ABLIM3: variants seen among roughly 807,000 people sequenced by gnomAD.
ABLIM3 encodes actin binding LIM protein family member 3.
ABLIM3 carries 61 observed loss-of-function variants against 109.5 expected under a neutral mutation model. The ratio of observed to expected loss-of-function variants is 0.56; its 90% CI spans 0.45 to 0.69. ABLIM3 has a LOEUF of 0.69. Among genes scored for constraint, ABLIM3 ranks in the 30% least tolerant of loss-of-function variants. The probability of loss-of-function intolerance (pLI) is 0.00; values close to 1 mark genes in which losing one functional copy is unlikely to be tolerated. For missense variants in ABLIM3, 796 were observed against 889.5 expected (o/e 0.89, Z 1.34); for synonymous variants, 300 against 324.8 (o/e 0.92, Z 0.82).
chr5:149,185,016 C>A (rs1368902386), intron 3 of ABLIM3, among the ~76,000 whole-genome samples: 1 of 152,110 alleles, frequency 6.6e-6, no homozygotes, highest in Admixed American at 6.5e-5. Context: ...TATTTTTACA[C>A]CCTCTGAAAT....
At chr5:149,256,558 T>C (rs1320498940) in intron 23 of ABLIM3, among the ~76,000 whole-genome samples, 2 of 152,230 alleles carry the variant, frequency 1.3e-5, no homozygotes, top group African/African-American at 4.8e-5. Context: ...ACAGGAACTT[T>C]GTAATGGACA....
intron 8 of ABLIM3, among the ~76,000 whole-genome samples, chr5:149,225,799 T>C (rs934383492): frequency 1.3e-4 from 20 of 151,902 alleles, no homozygotes; most frequent in African/African-American, 4.6e-4. Flanking sequence ...AATGAGAACA[T>C]ACAATGTTTG....
At chr5:149,230,828 G>A (rs1384998079) in intron 9 of ABLIM3, 121 bp downstream of exon 9, 32 of 1,149,576 alleles carry the variant, frequency 2.8e-5, no homozygotes, top group Admixed American at 3.9e-5. Context: ...CCAAATGTGT[G>A]CCTATGTCCT....
At chr5:149,197,087 T>A (rs1758051313) in intron 3 of ABLIM3, among the ~76,000 whole-genome samples, 1 of 152,196 alleles carries the variant, frequency 6.6e-6, no homozygotes, top group Admixed American at 6.5e-5. Flanking sequence ...CATTTTTGTA[T>A]ATGTTTGAGA....
chr5:149,221,651 C>T (rs1290090037), intron 8 of ABLIM3, among the ~76,000 whole-genome samples: 3 of 152,280 alleles, frequency 2.0e-5, no homozygotes, highest in Admixed American at 6.5e-5. Context: ...GTTTGTTATC[C>T]AAACCCTTCA....
At chr5:149,206,816 C>G (rs1331880792) in intron 5 of ABLIM3, among the ~76,000 whole-genome samples, 192 bp from the exon 6 acceptor site, 1 of 151,986 alleles carries the variant, frequency 6.6e-6, no homozygotes, top group Non-Finnish European at 1.5e-5. Flanking sequence ...CACCAAGACC[C>G]CTTGTCAAGA....
chr5:149,190,820 T>TC (rs150746944), intron 3 of ABLIM3, among the ~76,000 whole-genome samples: 9,423 of 152,212 alleles, frequency 0.062, 701 homozygotes, highest in African/African-American at 0.18. Context: ...AGAAAAATGA[T>TC]CCCAGATGGC....
At position 149,237,605 on chromosome 5, in the gene ABLIM3, T is replaced by C; in HGVS notation, c.1044+2T>C. On this transcript the variant is annotated splice_donor_variant, in intron 11 of 23. Transcript: ENST00000309868. LOFTEE classifies it high-confidence loss of function. ...CTGGAGAGATGTGGCTATGGAGAGGTATCGCATCTTGCCCTTCTCTCTGGG... is the reference window on the plus strand; with the variant it reads ...CTGGAGAGATGTGGCTATGGAGAGGCATCGCATCTTGCCCTTCTCTCTGGG... 1 of 1,613,858 alleles carries C rather than the reference T, an allele frequency of 6.2e-7. No individual in the cohort carries two copies. Among genetic ancestry groups the C allele is most frequent in the Non-Finnish European group, 8.5e-7 (1 of 1,179,974 alleles).
Position 149,162,551 on chromosome 5 carries a change from C to T in ABLIM3, c.13+20443C>T, listed in dbSNP as rs571780875. Among the ~76,000 whole-genome samples, 20 of 152,298 alleles carry T rather than the reference C, an allele frequency of 1.3e-4. No homozygotes were observed. In the South Asian group the frequency reaches 4.1e-3, roughly 32 times the overall value. ...TCTGGAAGGGCGTGAGCAATCCAGA[C>T]CAGAAAGAAAGAAACCTTTCATCAT... On this transcript the variant is annotated intron_variant, in intron 2 of 23. Coordinates refer to ENST00000309868, the MANE Select transcript of ABLIM3 (RefSeq NM_014945.5).
intron 2 of ABLIM3, among the ~76,000 whole-genome samples, chr5:149,181,203 G>T (rs1652244793): frequency 1.3e-5 from 2 of 152,080 alleles, no homozygotes; most frequent in African/African-American, 4.8e-5. Context: ...ATTCAGGGCA[G>T]AAGAGAGAGT....
chr5:149,166,004 T>C (rs10053271), intron 2 of ABLIM3, among the ~76,000 whole-genome samples: 36,691 of 152,228 alleles, frequency 0.24, 4,942 homozygotes, highest in African/African-American at 0.34. Context: ...AAGTTTATTT[T>C]GTCCTCATGG....
chr5:149,186,783 T>C (rs1330469300), intron 3 of ABLIM3, among the ~76,000 whole-genome samples: 1 of 152,086 alleles, frequency 6.6e-6, no homozygotes, highest in Admixed American at 6.5e-5. Context: ...ACTTTGTATA[T>C]TGAAATTTCC....
intron 21 of ABLIM3, 146 bp from the exon 22 acceptor site, chr5:149,252,055 C>CA: frequency 1.2e-6 from 1 of 831,012 alleles, no homozygotes; most frequent in East Asian, 2.8e-5. Context: ...AGGGTGAATT[C>CA]AGCAAGGACA....
chr5:149,249,247 G>A (rs1037500883), intron 18 of ABLIM3, among the ~76,000 whole-genome samples: 4 of 152,160 alleles, frequency 2.6e-5, no homozygotes, highest in African/African-American at 4.8e-5. Context: ...TGGTGTTGGC[G>A]GCAATATGAT....
At chr5:149,210,441 G>A (rs1759428242) in intron 6 of ABLIM3, among the ~76,000 whole-genome samples, 1 of 152,194 alleles carries the variant, frequency 6.6e-6, no homozygotes, top group South Asian at 2.1e-4. Flanking sequence ...TAGTCATAGG[G>A]GGTGGTATAA....
rs114964663 is a variant in ABLIM3, at chr5:149,168,481, A to T, written c.14-14971A>T. ...GAAAAACACCTTTGCCCATCTGCCC[A>T]TCTCTCTGCCAGCATAGCCACCTGT... On this transcript the variant is annotated intron_variant, in intron 2 of 23. Coordinates refer to ENST00000309868, the MANE Select transcript of ABLIM3 (RefSeq NM_014945.5). Among the ~76,000 whole-genome samples, 1,373 of 152,260 alleles carry T rather than the reference A, an allele frequency of 9.0e-3. 15 individuals carry two copies. Among genetic ancestry groups the T allele is most frequent in the African/African-American group, 0.031 (1,292 of 41,552 alleles).
At position 149,185,875 on chromosome 5, in the gene ABLIM3, C is replaced by T. The variant is rs530745447; in HGVS notation, c.151+2286C>T. Among the ~76,000 whole-genome samples the T allele has an allele frequency of 7.9e-5, 12 of 152,322 alleles. No homozygotes were observed. The East Asian group carries it at 2.3e-3, about 29-fold the overall frequency. ...GAAACAGAAACCCTGCTGTGACTCC[C>T]AATGCCTTATTTCATCCTGATAGTT... On this transcript the variant is annotated intron_variant, in intron 3 of 23. Coordinates refer to ENST00000309868, the MANE Select transcript of ABLIM3 (RefSeq NM_014945.5).
At position 149,258,830 on chromosome 5, in the gene ABLIM3, A is replaced by T. The variant is rs562470389; in HGVS notation, c.*426A>T. 1.1e-5 allele frequency: 11 copies of T among 990,562 alleles called. 1 individual carries two copies. The South Asian group carries it at 5.1e-4, about 46-fold the overall frequency. The allele number at this position is 990,562 out of a possible 1,614,324, so 61.4% of individuals were successfully genotyped here. ...CCCAGAGGGGCCCTCCCATGGGAAGATCTGCAGCAGTCTCCCCAAATCAGT... is the reference window on the plus strand; with the variant it reads ...CCCAGAGGGGCCCTCCCATGGGAAGTTCTGCAGCAGTCTCCCCAAATCAGT... On this transcript the variant is annotated 3_prime_UTR_variant, in exon 24 of 24. Transcript: ENST00000309868.
At position 149,248,706 on chromosome 5, in the gene ABLIM3, A is replaced by G. The variant is rs956002303; in HGVS notation, c.1699+777A>G. ...CTCTCTCTCAAAAAAAAAAAAAAAA[A>G]AAAAGAACGATGTCTTATAATCATC... On this transcript the variant is annotated intron_variant, in intron 18 of 23. Transcript: ENST00000309868. 4.7e-4 allele frequency among the ~76,000 whole-genome samples: 72 copies of G among 151,696 alleles called. 1 individual carries two copies. The South Asian group carries it at 6.5e-3, about 14-fold the overall frequency.
Sources: allele counts gnomAD v4.1 joint callset (sites outside exome capture counted in the v4.1 genomes callset), GRCh38; gene constraint gnomAD v4.1.1; transcripts MANE v1.5; gene names NCBI Gene and HGNC (gene_info 2026-07-23, HGNC 2026-07-21).